The following SCFD2 variants were observed in gnomAD, a reference collection of about 807,000 sequenced individuals.
SCFD2 encodes the protein sec1 family domain containing 2.
A neutral mutation model predicts 58.9 loss-of-function variants in SCFD2; 54 were observed. That is an observed-to-expected ratio of 0.92 (90% CI 0.74 to 1.15). The LOEUF is 1.15. SCFD2 is among the 50% of genes most tolerant of loss of function. The pLI is 0.00. For synonymous variants in SCFD2, 321 were observed against 335.9 expected (o/e 0.96, Z 0.49); for missense variants, 805 against 836.6 (o/e 0.96, Z 0.47).
chr4:53,155,734 T>G (rs777050025), intron 4 of SCFD2, among the ~76,000 whole-genome samples: 11 of 152,158 alleles, frequency 7.2e-5, no homozygotes, highest in Non-Finnish European at 1.2e-4. Flanking sequence ...CAAGAACTAG[T>G]CAGTTCAAAA....
intron 4 of SCFD2, among the ~76,000 whole-genome samples, chr4:53,146,399 T>C (rs1411309251): frequency 6.6e-6 from 1 of 152,176 alleles, no homozygotes; most frequent in Non-Finnish European, 1.5e-5. Flanking sequence ...TCTTAAAATA[T>C]AAAATAATCC....
In SCFD2 at chr4:53,351,217, G is replaced by A. The variant is rs1238987328; in HGVS notation, c.1007+1381C>T. Among the ~76,000 whole-genome samples the A allele has an allele frequency of 2.6e-5, 4 of 152,218 alleles. No individual in the cohort carries two copies. In the East Asian group the frequency reaches 5.8e-4, roughly 22 times the overall value. On this transcript the variant is annotated intron_variant, in intron 2 of 8. Transcript: ENST00000401642. The stretch of plus-strand genomic sequence containing the variant: ...ACTCCCAAAAAATGTGAACAGAGCA[G>A]ATGACAGAAGTGGTCCAATGAGGTC...
At chr4:53,118,333 T>C (rs1725381010) in intron 5 of SCFD2, among the ~76,000 whole-genome samples, 1 of 152,186 alleles carries the variant, frequency 6.6e-6, no homozygotes, top group South Asian at 2.1e-4. Context: ...TCCTGGTAGT[T>C]AAAATTAAGT....
chr4:53,292,351 A>G (rs1731869989), intron 3 of SCFD2, among the ~76,000 whole-genome samples: 1 of 152,230 alleles, frequency 6.6e-6, no homozygotes, highest in Non-Finnish European at 1.5e-5. Context: ...AAACAAATTT[A>G]CAAGAAAAAA....
At chr4:52,964,245 C>T (rs1167389391) in intron 5 of SCFD2, among the ~76,000 whole-genome samples, 3 of 152,162 alleles carry the variant, frequency 2.0e-5, no homozygotes, top group Non-Finnish European at 4.4e-5. Flanking sequence ...GATACAAAAA[C>T]TAGGTCAGGA....
At chr4:53,200,996 T>A (rs563146834) in intron 4 of SCFD2, among the ~76,000 whole-genome samples, 7 of 143,250 alleles carry the variant, frequency 4.9e-5, no homozygotes, top group Admixed American at 2.0e-4. Flanking sequence ...AATATTAATT[T>A]TATTTTAATT....
intron 1 of SCFD2, among the ~76,000 whole-genome samples, chr4:53,354,097 T>C (rs1206445812): frequency 2.6e-5 from 4 of 152,224 alleles, no homozygotes; most frequent in African/African-American, 4.8e-5. Context: ...CTTCGGCCCT[T>C]GGGCCGTCGA....
chr4:53,009,502 C>T (rs1722050354), intron 5 of SCFD2, among the ~76,000 whole-genome samples: 2 of 152,120 alleles, frequency 1.3e-5, no homozygotes, highest in African/African-American at 2.4e-5. Context: ...CTTTTTTTAG[C>T]AAGCACCTTG....
At chr4:53,341,629 A>T (rs1389705814) in intron 2 of SCFD2, among the ~76,000 whole-genome samples, 5 of 152,178 alleles carry the variant, frequency 3.3e-5, no homozygotes, top group Admixed American at 1.3e-4. Context: ...ACTCTTCGAG[A>T]AGAGCAACTC....
chr4:53,152,843 C>T (rs752879663), intron 4 of SCFD2, among the ~76,000 whole-genome samples: 26 of 152,242 alleles, frequency 1.7e-4, no homozygotes, highest in South Asian at 4.1e-4. Flanking sequence ...GCCAAAAGAA[C>T]GGGGCAACAG....
chr4:53,089,664 A>AT (rs1390243197), intron 5 of SCFD2, among the ~76,000 whole-genome samples: 2 of 152,148 alleles, frequency 1.3e-5, no homozygotes, highest in Admixed American at 6.5e-5. Context: ...ATAACAAAAG[A>AT]TTTTTTTCTA....
chr4:53,220,052 C>T (rs1729002590), intron 4 of SCFD2, among the ~76,000 whole-genome samples: 1 of 152,176 alleles, frequency 6.6e-6, no homozygotes, highest in Non-Finnish European at 1.5e-5. Flanking sequence ...CCCAGTCAGC[C>T]TCATGGTTCA....
intron 3 of SCFD2, among the ~76,000 whole-genome samples, chr4:53,280,391 A>G (rs1033022919): frequency 6.6e-6 from 1 of 152,122 alleles, no homozygotes; most frequent in African/African-American, 2.4e-5. Context: ...TATCATATGC[A>G]TGTAATCCTA....
At chr4:53,350,226 G>A (rs1734175665) in intron 2 of SCFD2, among the ~76,000 whole-genome samples, 1 of 152,142 alleles carries the variant, frequency 6.6e-6, no homozygotes, top group Admixed American at 6.6e-5. Context: ...CATGCCATAT[G>A]ATATTAGCAT....
intron 4 of SCFD2, among the ~76,000 whole-genome samples, chr4:53,207,511 T>TATAA (rs1728450510): frequency 7.7e-5 from 1 of 12,986 alleles, no homozygotes; most frequent in African/African-American, 3.1e-4. Flanking sequence ...ATATATTATA[T>TATAA]ATATTATATA....
At chr4:52,940,338 C>T (rs1311613431) in intron 5 of SCFD2, among the ~76,000 whole-genome samples, 1 of 152,152 alleles carries the variant, frequency 6.6e-6, no homozygotes, top group African/African-American at 2.4e-5. Flanking sequence ...TTCTCAGTTT[C>T]ACAGGGAGAT....
At chr4:53,008,552 A>G (rs1722029232) in intron 5 of SCFD2, among the ~76,000 whole-genome samples, 1 of 152,206 alleles carries the variant, frequency 6.6e-6, no homozygotes, top group African/African-American at 2.4e-5. Flanking sequence ...ACTCTTTACA[A>G]TGTTGGAAGG....
intron 2 of SCFD2, among the ~76,000 whole-genome samples, chr4:53,333,981 C>A (rs1473643896): frequency 6.7e-6 from 1 of 149,540 alleles, no homozygotes; most frequent in Non-Finnish European, 1.5e-5. Context: ...ATTTATGCAG[C>A]CAAAAAACAC....
intron 7 of SCFD2, among the ~76,000 whole-genome samples, chr4:52,907,224 C>T (rs1235463781): frequency 6.6e-6 from 1 of 152,202 alleles, no homozygotes; most frequent in Non-Finnish European, 1.5e-5. Flanking sequence ...CCACCTTAGA[C>T]CACATGTGCT....
Sources: gnomAD v4.1 joint callset for allele counts (sites outside exome capture counted in the v4.1 genomes callset) on GRCh38, gnomAD v4.1.1 for gene constraint, MANE v1.5 for transcripts, NCBI Gene and HGNC (gene_info 2026-07-23, HGNC 2026-07-21) for gene names.